DRC8: variants seen among roughly 807,000 people sequenced by gnomAD.
DRC8 encodes the protein dynein regulatory complex subunit 8.
the DRC8 span, among the ~76,000 whole-genome samples, chr1:245,009,667 C>T: frequency 1.3e-5 from 2 of 151,856 alleles, no homozygotes; most frequent in Non-Finnish European, 2.9e-5. Flanking sequence ...TGGGGTTTCA[C>T]CTTGTTAGCC....
chr1:244,975,572 C>G, the DRC8 span, among the ~76,000 whole-genome samples: 11 of 152,168 alleles, frequency 7.2e-5, no homozygotes, highest in Admixed American at 7.2e-4. Context: ...TGCCTGGCAT[C>G]AAAGGAATGC....
At chr1:245,065,082 T>G in the DRC8 span, among the ~76,000 whole-genome samples, 1 of 110,810 alleles carries the variant, frequency 9.0e-6, no homozygotes, top group African/African-American at 4.5e-5. Flanking sequence ...TCTTTTTTTT[T>G]TTTTTTTTTT....
At chr1:244,982,213 AT>A in the DRC8 span, among the ~76,000 whole-genome samples, 1 of 152,202 alleles carries the variant, frequency 6.6e-6, no homozygotes, top group Non-Finnish European at 1.5e-5. Context: ...CTAGTAGCTG[AT>A]TACTATCATG....
the DRC8 span, among the ~76,000 whole-genome samples, chr1:245,033,049 C>T: frequency 3.3e-5 from 5 of 152,150 alleles, no homozygotes; most frequent in East Asian, 1.9e-4. Flanking sequence ...GATCCATTGG[C>T]GTGCGGACCA....
the DRC8 span, among the ~76,000 whole-genome samples, chr1:245,066,299 G>GC: frequency 2.0e-5 from 3 of 152,170 alleles, no homozygotes; most frequent in African/African-American, 7.2e-5. Context: ...TCAGAAAATA[G>GC]CAACAGTACT....
At chr1:245,121,478 A>T in the DRC8 span, among the ~76,000 whole-genome samples, 7 of 152,238 alleles carry the variant, frequency 4.6e-5, no homozygotes, top group Non-Finnish European at 8.8e-5. Flanking sequence ...TGGCAGAGAC[A>T]GCCCATGGTC....
chr1:244,970,240 G>A, the DRC8 span: 2 of 700,554 alleles, frequency 2.9e-6, no homozygotes, highest in African/African-American at 1.8e-5. Flanking sequence ...GCGCGAAACG[G>A]GGACAGGGCG....
chr1:245,075,274 C>T, the DRC8 span, among the ~76,000 whole-genome samples: 1 of 152,214 alleles, frequency 6.6e-6, no homozygotes, highest in Non-Finnish European at 1.5e-5. Flanking sequence ...CTCAGATAGG[C>T]ACTTAACCTC....
At chr1:244,980,040 TAAAAAAAAA>T in the DRC8 span, among the ~76,000 whole-genome samples, 9 of 34,732 alleles carry the variant, frequency 2.6e-4, no homozygotes, top group East Asian at 1.8e-3. Context: ...CCGTCTCTAC[TAAAAAAAAA>T]AAAAAAAAAA....
At chr1:244,978,001 TA>T in the DRC8 span, among the ~76,000 whole-genome samples, 1 of 152,162 alleles carries the variant, frequency 6.6e-6, no homozygotes, top group Non-Finnish European at 1.5e-5. Flanking sequence ...CACTTATTTT[TA>T]AAATCTCATT....
chr1:245,034,163 T>C, the DRC8 span, among the ~76,000 whole-genome samples: 1 of 152,206 alleles, frequency 6.6e-6, no homozygotes, highest in African/African-American at 2.4e-5. Flanking sequence ...GGAAATCTCT[T>C]CCATACCTAA....
chr1:245,017,403 CT>C, the DRC8 span: 1 of 1,376,004 alleles, frequency 7.3e-7, no homozygotes. Context: ...GCTATTTTCT[CT>C]TTTTACACTG....
the DRC8 span, among the ~76,000 whole-genome samples, chr1:245,099,303 CA>C: frequency 2.0e-5 from 3 of 152,150 alleles, no homozygotes; most frequent in African/African-American, 7.2e-5. Context: ...GCTTTTTCAA[CA>C]GATTGTTGAA....
the DRC8 span, among the ~76,000 whole-genome samples, chr1:245,067,289 C>T: frequency 2.0e-5 from 3 of 152,044 alleles, no homozygotes; most frequent in Admixed American, 2.0e-4. Flanking sequence ...AACATGACCA[C>T]GCCTGGCCCA....
At chr1:244,970,428 GAGA>G in the DRC8 span, 7 of 1,537,598 alleles carry the variant, frequency 4.6e-6, no homozygotes, top group Non-Finnish European at 6.1e-6. Context: ...GATGGCGGAC[GAGA>G]AGGACAGGGA....
At chr1:245,006,870 G>T in the DRC8 span, among the ~76,000 whole-genome samples, 2 of 152,038 alleles carry the variant, frequency 1.3e-5, no homozygotes, top group African/African-American at 4.8e-5. Flanking sequence ...GGAGGTGGAG[G>T]TTGCAGTGAT....
At chr1:245,024,703 C>G in the DRC8 span, among the ~76,000 whole-genome samples, 1 of 151,792 alleles carries the variant, frequency 6.6e-6, no homozygotes, top group African/African-American at 2.4e-5. Flanking sequence ...TTGTGTCCAC[C>G]TGGCTAATTT....
the DRC8 span, among the ~76,000 whole-genome samples, chr1:245,108,142 C>A: frequency 6.6e-6 from 1 of 152,112 alleles, no homozygotes; most frequent in Non-Finnish European, 1.5e-5. Context: ...CACCCGTCAC[C>A]CAGTCTCTCT....
the DRC8 span, among the ~76,000 whole-genome samples, chr1:245,082,569 A>T: frequency 6.6e-6 from 1 of 152,200 alleles, no homozygotes; most frequent in African/African-American, 2.4e-5. Flanking sequence ...AACCTCAAAC[A>T]TGTCAGTGAT....
Sources: allele counts gnomAD v4.1 joint callset (sites outside exome capture counted in the v4.1 genomes callset), GRCh38; gene constraint gnomAD v4.1.1; transcripts MANE v1.5; gene names NCBI Gene and HGNC (gene_info 2026-07-23, HGNC 2026-07-21).